INTS4: variants seen among roughly 807,000 people sequenced by gnomAD.
The protein encoded by INTS4 is integrator complex subunit 4, also known as MSTP093.
A neutral mutation model predicts 119.5 loss-of-function variants in INTS4; 70 were observed. The observed-to-expected ratio is 0.59, with a 90% CI of 0.48 to 0.71. The LOEUF (loss-of-function observed/expected upper bound fraction) is 0.71, where lower values mean the gene tolerates loss of function less well. Among genes scored for constraint, INTS4 ranks in the 30% least tolerant of loss-of-function variants. The pLI is 0.00. For synonymous variants in INTS4, 316 were observed against 419.6 expected, an observed-to-expected ratio of 0.75 and a Z score of 3.02; for missense variants, 867 against 1,173.2, an observed-to-expected ratio of 0.74 and a Z score of 3.81.
chr11:77,949,332 C>A (rs1954128627), intron 8 of INTS4, among the ~76,000 whole-genome samples: 1 of 151,944 alleles, frequency 6.6e-6, no homozygotes, highest in Non-Finnish European at 1.5e-5. Context: ...GACTAAAACA[C>A]CAAAAGCAAT....
chr11:77,903,444 A>G (rs1952839729), intron 17 of INTS4, 96 bp downstream of exon 17: 4 of 1,608,088 alleles, frequency 2.5e-6, no homozygotes, highest in Non-Finnish European at 3.4e-6. Flanking sequence ...TGCAAGGCCT[A>G]CACAGACAGA....
At chr11:77,889,335 G>T (rs1374461308) in intron 21 of INTS4, among the ~76,000 whole-genome samples, 1 of 145,194 alleles carries the variant, frequency 6.9e-6, no homozygotes, top group South Asian at 2.2e-4. Context: ...TCATAGGTGG[G>T]AACTGAACAA....
intron 1 of INTS4, among the ~76,000 whole-genome samples, chr11:77,993,197 A>T (rs989378588): frequency 3.3e-5 from 5 of 152,234 alleles, no homozygotes; most frequent in Non-Finnish European, 5.9e-5. Context: ...TCTGCCATCA[A>T]GGACCTCCGA....
At chr11:77,939,821 G>A (rs1443982449) in intron 9 of INTS4, among the ~76,000 whole-genome samples, 8 of 151,422 alleles carry the variant, frequency 5.3e-5, no homozygotes, top group Admixed American at 3.3e-4. Flanking sequence ...CTCCAGCCTG[G>A]GCGACAGAGC....
chr11:77,929,793 TG>T (rs1953602219), intron 10 of INTS4, among the ~76,000 whole-genome samples: 1 of 152,220 alleles, frequency 6.6e-6, no homozygotes, highest in Non-Finnish European at 1.5e-5. Flanking sequence ...ATTTCTCGCC[TG>T]GTAAGTGGAG....
At chr11:77,909,265 T>G (rs371344928) in intron 15 of INTS4, among the ~76,000 whole-genome samples, 6 of 152,222 alleles carry the variant, frequency 3.9e-5, no homozygotes, top group African/African-American at 1.4e-4. Context: ...TCATACCATA[T>G]CTCCAATTTC....
chr11:77,978,966 G>T, intron 4 of INTS4, 30 bp downstream of exon 4: 1 of 1,396,076 alleles, frequency 7.2e-7, no homozygotes, highest in Non-Finnish European at 1.0e-6. Context: ...ACCAGTTTAG[G>T]ATGGATCTGA....
intron 10 of INTS4, among the ~76,000 whole-genome samples, chr11:77,937,210 C>CA (rs1035148539): frequency 6.7e-5 from 10 of 149,108 alleles, no homozygotes; most frequent in Admixed American, 1.3e-4. Flanking sequence ...GAAATAATAG[C>CA]AAAAAAAAAA....
intron 8 of INTS4, among the ~76,000 whole-genome samples, chr11:77,948,553 AC>A (rs1217955624): frequency 6.6e-6 from 1 of 151,662 alleles, no homozygotes; most frequent in Middle Eastern, 3.2e-3. Flanking sequence ...AGGTTGGGGC[AC>A]GAGAACCACT....
rs779291591 is a variant in INTS4, at chr11:77,883,880, G to A, written c.2665C>T (p.Arg889Trp). ...PADFRNPGPG[R>W]HRLITQVYLS... ...TAAACCTGAGTGATGAGCCGGTGCC[G>A]CCCTGGGCCAGGATTCCGGAAGTCT... Residue 889 changes from arginine to tryptophan, a missense_variant, in exon 22 of 23, where the codon CGG becomes TGG. Around this residue, in one of 5 missense-constraint regions of INTS4, gnomAD observed 122 missense variants for 133.2 expected, o/e 0.92. Transcript: ENST00000534064. The A allele has an allele frequency of 2.5e-5, 40 of 1,612,618 alleles. No homozygotes were observed. Among genetic ancestry groups the A allele is most frequent in the Admixed American group, 8.4e-5 (5 of 59,814 alleles).
At chr11:77,987,731 G>A (rs538376820) in intron 2 of INTS4, 46 of 427,222 alleles carry the variant, frequency 1.1e-4, no homozygotes, top group East Asian at 9.7e-4. Flanking sequence ...AAAATTAGCC[G>A]GGAGTGGTGG....
chr11:77,958,321 A>C (rs1412686868), intron 7 of INTS4, among the ~76,000 whole-genome samples: 1 of 152,068 alleles, frequency 6.6e-6, no homozygotes, highest in Non-Finnish European at 1.5e-5. Context: ...TGGTTAATTT[A>C]ATTGCTGTGA....
intron 2 of INTS4, among the ~76,000 whole-genome samples, chr11:77,990,172 T>C (rs1009505823): frequency 6.7e-6 from 1 of 149,300 alleles, no homozygotes; most frequent in Non-Finnish European, 1.5e-5. Context: ...TGAGCCAAGA[T>C]TGTGCCACCA....
intron 18 of INTS4, 79 bp downstream of exon 18, chr11:77,901,342 C>G (rs1952771263): frequency 2.1e-6 from 3 of 1,424,394 alleles, no homozygotes; most frequent in Admixed American, 1.8e-5. Flanking sequence ...TTATCATTAA[C>G]TTTCGTGTGA....
intron 14 of INTS4, among the ~76,000 whole-genome samples, chr11:77,920,161 A>G (rs1447827557): frequency 6.7e-6 from 1 of 149,396 alleles, no homozygotes; most frequent in Non-Finnish European, 1.5e-5. Context: ...ATATATATAC[A>G]CATATATATA....
chr11:77,899,302 A>C (rs1952672055), intron 18 of INTS4, among the ~76,000 whole-genome samples: 1 of 152,008 alleles, frequency 6.6e-6, no homozygotes, highest in South Asian at 2.1e-4. Flanking sequence ...TAACTTTCAA[A>C]CCCCTGGAGG....
intron 2 of INTS4, among the ~76,000 whole-genome samples, chr11:77,988,972 T>A (rs1004725601): frequency 6.6e-5 from 10 of 152,174 alleles, no homozygotes; most frequent in African/African-American, 2.4e-4. Flanking sequence ...AAAAAGGTAC[T>A]GGGAGAACAA....
In INTS4 at chr11:77,891,380, G is replaced by C. The variant is rs565732679; in HGVS notation, c.2531C>G (p.Ala844Gly). 1 of 1,612,012 alleles carries C rather than the reference G, an allele frequency of 6.2e-7. No individual in the cohort carries two copies. Among genetic ancestry groups the C allele is most frequent in the South Asian group, 1.1e-5 (1 of 90,542 alleles). Residue 844 changes from alanine to glycine, a missense_variant, in exon 21 of 23, where the codon GCC becomes GGC. This residue lies in a region of INTS4 where 262 missense variants were observed against 376.0 expected (regional missense o/e 0.70). Transcript: ENST00000534064. The part of the protein sequence containing the change: ...PLRFTSGLVV[A>G]LDVDATLEHV... ...CTCCAGGGTTGCATCAACATCCAGG[G>C]CAACCACCAACCCAGAGGTAAACCG...
At position 77,952,726 on chromosome 11, in the gene INTS4, A is replaced by T. The variant is rs1315846579; in HGVS notation, c.918+3216T>A. Among the ~76,000 whole-genome samples, 4 of 152,348 alleles carry T rather than the reference A, an allele frequency of 2.6e-5. No homozygotes were observed. In the South Asian group the frequency reaches 8.3e-4, roughly 32 times the overall value. ...TAGAGTCATTCAAGTAGAAATTTCA[A>T]TGTACCATATGTTATACATACAACT... On this transcript the variant is annotated intron_variant, in intron 8 of 22. Coordinates refer to ENST00000534064, the MANE Select transcript of INTS4 (RefSeq NM_033547.4).
Sources: allele counts gnomAD v4.1 joint callset (sites outside exome capture counted in the v4.1 genomes callset), GRCh38; gene constraint gnomAD v4.1.1; regional missense constraint gnomAD v4.1.1; transcripts MANE v1.5; gene names NCBI Gene and HGNC (gene_info 2026-07-23, HGNC 2026-07-21).